Variants in PACS2 observed in about 807,000 individuals in gnomAD.
The protein encoded by PACS2 is PACS1-like protein.
PACS2 carries 36 observed loss-of-function variants against 113.0 expected under a neutral mutation model. The observed-to-expected ratio is 0.32, with a 90% CI of 0.24 to 0.42. The LOEUF (loss-of-function observed/expected upper bound fraction) is 0.42, where lower values mean the gene tolerates loss of function less well. PACS2 is among the 10% of genes least tolerant of loss of function. The pLI, the probability that PACS2 is intolerant of heterozygous loss-of-function variation, is 1.00. For synonymous variants in PACS2, 589 were observed against 536.1 expected (o/e 1.10, Z -1.36); for missense variants, 1,015 against 1,239.5 (o/e 0.82, Z 2.72).
chr14:105,339,296 C>G (rs905535813), intron 1 of PACS2, among the ~76,000 whole-genome samples: 1 of 151,676 alleles, frequency 6.6e-6, no homozygotes, highest in Non-Finnish European at 1.5e-5. Context: ...CACCTGAGGT[C>G]AGGAGTTTGA....
Position 105,391,626 on chromosome 14 carries a change from CA to C in PACS2, c.2120-2del. The stretch of plus-strand genomic sequence containing the variant: ...CTCAGCCTGCCCTGTGACTCCTCCC[CA>C]AAGGCGACTCGGACGACGCGGCCCC... On this transcript the variant is annotated splice_polypyrimidine_tract_variant and splice_region_variant and intron_variant, in intron 21 of 24. Coordinates refer to ENST00000447393, the MANE Select transcript of PACS2 (RefSeq NM_001100913.3). 6.2e-7 allele frequency: 1 copy of C among 1,608,220 alleles called. No individual in the cohort carries two copies. Among genetic ancestry groups the C allele is most frequent in the Non-Finnish European group, 8.5e-7 (1 of 1,179,358 alleles).
chr14:105,329,775 G>C lies in PACS2; in HGVS notation c.119+14738G>C, dbSNP rs143989410. ...ACTGCAGGCAGCAGCAAACTCTGCC[G>C]TGTGGTACTGCTTCTCATGGACAGG... On this transcript the variant is annotated intron_variant, in intron 1 of 24. Coordinates refer to ENST00000447393, the MANE Select transcript of PACS2 (RefSeq NM_001100913.3). This position sits in a 1 kb window ranked among gnomAD's most constrained non-coding sequence, Gnocchi z 6.4. Among the ~76,000 whole-genome samples the C allele has an allele frequency of 6.6e-6, 1 of 152,320 alleles. No individual in the cohort carries two copies. The highest frequency in any genetic ancestry group is 1.9e-4 in the East Asian group (1 of 5,186).
intron 5 of PACS2, 90 bp from the exon 6 acceptor site, chr14:105,367,984 T>C: frequency 1.2e-6 from 1 of 827,362 alleles, no homozygotes. Flanking sequence ...CTGCCCCCAC[T>C]CTGTGTCCAG....
intron 10 of PACS2, 125 bp from the exon 11 acceptor site, chr14:105,379,955 C>A: frequency 7.8e-7 from 1 of 1,278,720 alleles, no homozygotes; most frequent in Non-Finnish European, 1.1e-6. Context: ...ACTCTGCACC[C>A]ACTGTCCAGC....
intron 24 of PACS2, 73 bp from the exon 25 acceptor site, chr14:105,394,481 G>A: frequency 6.3e-7 from 1 of 1,592,134 alleles, no homozygotes; most frequent in Non-Finnish European, 8.5e-7. Context: ...CAGCCTGGTG[G>A]GCCAGGCAGG....
chr14:105,381,107 G>A lies in PACS2; in HGVS notation c.1268+8G>A, dbSNP rs587607590. The stretch of plus-strand genomic sequence containing the variant: ...TGTCATCCCCTCCACCAGGTGATGG[G>A]GGCTGCACGGCGGGGCGGGGCGGTG... On this transcript the variant is annotated splice_region_variant and intron_variant, in intron 12 of 24. Coordinates refer to ENST00000447393, the MANE Select transcript of PACS2 (RefSeq NM_001100913.3). The A allele has an allele frequency of 7.5e-6, 12 of 1,609,670 alleles. No homozygotes were observed. In the Admixed American group the frequency reaches 1.8e-4, roughly 25 times the overall value.
chr14:105,385,801 A>C (rs970765884), intron 19 of PACS2, 84 bp downstream of exon 19: 1 of 812,602 alleles, frequency 1.2e-6, no homozygotes, highest in Non-Finnish European at 1.8e-6. Context: ...CGTAGGAATC[A>C]CCCCGCTGTC....
chr14:105,380,721 G>A (rs2080961981), intron 11 of PACS2, among the ~76,000 whole-genome samples: 1 of 151,978 alleles, frequency 6.6e-6, no homozygotes, highest in Non-Finnish European at 1.5e-5. Context: ...TGGGCCCAGG[G>A]CAAGTCAGGT....
intron 1 of PACS2, among the ~76,000 whole-genome samples, chr14:105,328,534 C>T (rs1462629275): frequency 6.6e-6 from 1 of 152,206 alleles, no homozygotes; most frequent in Non-Finnish European, 1.5e-5. Flanking sequence ...ACACTGGCAG[C>T]AGTTGTGCTC....
rs1300929444 is a variant in PACS2 at position 105,386,952 on chromosome 14, G to A, written c.2033+1235G>A. Among the ~76,000 whole-genome samples the A allele has an allele frequency of 7.2e-5, 11 of 152,222 alleles. No individual in the cohort carries two copies. In the East Asian group the frequency reaches 7.7e-4, roughly 11 times the overall value. ...TCTGGCCGCCCGGCCGCCGCAGGCC[G>A]TGGACGCAGCTGCTTGTATCTCCCA... On this transcript the variant is annotated intron_variant, in intron 19 of 24. Transcript: ENST00000447393.
chr14:105,375,347 G>A (rs1167054317), intron 8 of PACS2, among the ~76,000 whole-genome samples: 1 of 151,990 alleles, frequency 6.6e-6, no homozygotes, highest in Non-Finnish European at 1.5e-5. Context: ...GCGTGGTGAT[G>A]GGCGCCTGTA....
intron 17 of PACS2, among the ~76,000 whole-genome samples, 184 bp downstream of exon 17, chr14:105,384,647 A>G (rs587680681): frequency 2.0e-5 from 3 of 152,288 alleles, no homozygotes; most frequent in African/African-American, 7.2e-5. Flanking sequence ...GGAATGTTGG[A>G]AGCTGTGGGG....
At chr14:105,382,456 G>A in intron 13 of PACS2, 21 bp from the exon 14 acceptor site, 1 of 1,425,036 alleles carries the variant, frequency 7.0e-7, no homozygotes, top group African/African-American at 1.4e-5. Context: ...TCTGGGTGTG[G>A]ACAGGGCTCT....
rs2081389782 is a variant in PACS2, at chr14:105,392,377, G to C, written c.2256-242G>C. 6 of 554,856 alleles carry C rather than the reference G, an allele frequency of 1.1e-5. No homozygotes were observed. In the South Asian group the frequency reaches 1.3e-4, roughly 12 times the overall value. The allele number at this position is 554,856 out of a possible 1,614,324, so 34.4% of individuals were successfully genotyped here. A position where few individuals can be genotyped will look rare whatever the true frequency, so the allele number is the denominator to read the frequency against. ...CAAGGGGCAGCTTGGAGAGCAGGTG[G>C]ACAGGCCTCCCAGGCCGAGGCTCTC... On this transcript the variant is annotated intron_variant, in intron 22 of 24. Transcript: ENST00000447393.
intron 3 of PACS2, among the ~76,000 whole-genome samples, chr14:105,352,808 GC>G (rs1185793695): frequency 6.2e-5 from 6 of 96,678 alleles, no homozygotes; most frequent in Non-Finnish European, 1.1e-4. Context: ...GGGGAGACGG[GC>G]CCCCCCATCA....
intron 4 of PACS2, among the ~76,000 whole-genome samples, chr14:105,360,249 T>C (rs1205774539): frequency 6.6e-6 from 1 of 152,208 alleles, no homozygotes; most frequent in South Asian, 2.1e-4. Context: ...AATTTTAAAA[T>C]ATTGCTAAAG....
At chr14:105,352,775 G>GGC (rs2060245452) in intron 3 of PACS2, among the ~76,000 whole-genome samples, 2 of 137,692 alleles carry the variant, frequency 1.5e-5, no homozygotes, top group East Asian at 4.5e-4. Context: ...TGGGGAGACA[G>GGC]GCCCTCCCCA....
At chr14:105,346,210 CAG>C (rs781921666) in intron 1 of PACS2, among the ~76,000 whole-genome samples, 19 of 152,130 alleles carry the variant, frequency 1.2e-4, no homozygotes, top group Non-Finnish European at 2.8e-4. Flanking sequence ...ACTTGGAACT[CAG>C]AAAAATAAAA....
intron 1 of PACS2, among the ~76,000 whole-genome samples, chr14:105,319,511 A>G (rs758208032): frequency 2.0e-5 from 3 of 152,238 alleles, no homozygotes; most frequent in Non-Finnish European, 2.9e-5. Context: ...GTTTGTTGCT[A>G]ACATATAGAA....
Sources: gnomAD v4.1 joint callset for allele counts (sites outside exome capture counted in the v4.1 genomes callset) on GRCh38, gnomAD v4.1.1 for gene constraint, Gnocchi (gnomAD v3.1) non-coding constraint, MANE v1.5 for transcripts, NCBI Gene and HGNC (gene_info 2026-07-23, HGNC 2026-07-21) for gene names.